Variants in AGBL1 observed in about 807,000 individuals in gnomAD.
The protein encoded by AGBL1 is AGBL carboxypeptidase 1, also known as cytosolic carboxypeptidase 4.
Under a neutral mutation model 118.9 loss-of-function variants are expected in AGBL1, and 130 were observed. The observed-to-expected ratio is 1.09, with a 90% CI of 0.95 to 1.26. The LOEUF (loss-of-function observed/expected upper bound fraction) is 1.26, where lower values mean the gene tolerates loss of function less well. Ranked by LOEUF, AGBL1 falls within the 50% of genes most tolerant of loss-of-function variation. AGBL1 has a pLI of 0.00. For missense variants in AGBL1, 1,584 were observed against 1,298.1 expected (o/e 1.22, Z -3.38); for synonymous variants, 555 against 478.9 (o/e 1.16, Z -2.08).
intron 22 of AGBL1, among the ~76,000 whole-genome samples, chr15:86,722,514 G>T (rs1424896039): frequency 5.3e-5 from 8 of 152,098 alleles, no homozygotes; most frequent in Admixed American, 5.2e-4. Context: ...ATTCAAGATG[G>T]ATTAAAGACT....
chr15:86,835,868 T>C (rs1027828445), intron 22 of AGBL1, among the ~76,000 whole-genome samples: 6 of 152,166 alleles, frequency 3.9e-5, no homozygotes, highest in Non-Finnish European at 8.8e-5. Flanking sequence ...GTATGATCCA[T>C]GTATGTACGA....
At chr15:86,750,775 T>C (rs2077838022) in intron 22 of AGBL1, among the ~76,000 whole-genome samples, 1 of 152,050 alleles carries the variant, frequency 6.6e-6, no homozygotes, top group Non-Finnish European at 1.5e-5. Context: ...TTTTTTCTCG[T>C]CCTTTGCCTC....
chr15:86,291,358 A>G (rs554400441), intron 16 of AGBL1, among the ~76,000 whole-genome samples: 1 of 136,522 alleles, frequency 7.3e-6, no homozygotes, highest in Admixed American at 7.3e-5. Flanking sequence ...CAATGGGTTT[A>G]TTTATGCACA....
intron 18 of AGBL1, among the ~76,000 whole-genome samples, chr15:86,436,576 C>G (rs2082002617): frequency 6.6e-6 from 1 of 152,216 alleles, no homozygotes; most frequent in Non-Finnish European, 1.5e-5. Flanking sequence ...GTGACAAGCA[C>G]TGTGCTAAGC....
intron 17 of AGBL1, among the ~76,000 whole-genome samples, chr15:86,396,265 A>G (rs2081362695): frequency 6.7e-6 from 1 of 148,192 alleles, no homozygotes; most frequent in Non-Finnish European, 1.5e-5. Context: ...ATATATATAC[A>G]CACACACGTC....
chr15:86,437,249 A>T (rs2082010698), intron 18 of AGBL1, among the ~76,000 whole-genome samples: 1 of 152,166 alleles, frequency 6.6e-6, no homozygotes, highest in South Asian at 2.1e-4. Flanking sequence ...TGGTGTTGTG[A>T]CCAAAACTCC....
chr15:86,179,935 A>C (rs2077530046), intron 5 of AGBL1, among the ~76,000 whole-genome samples: 1 of 152,222 alleles, frequency 6.6e-6, no homozygotes, highest in Non-Finnish European at 1.5e-5. Flanking sequence ...AAAATTTTTA[A>C]TAATATAGTT....
At chr15:86,540,292 C>A (rs1161478406) in intron 19 of AGBL1, among the ~76,000 whole-genome samples, 2 of 152,200 alleles carry the variant, frequency 1.3e-5, no homozygotes, top group African/African-American at 4.8e-5. Context: ...AATTGATAAA[C>A]AACAAGATAG....
At chr15:86,877,593 C>T (rs951404064) in intron 22 of AGBL1, among the ~76,000 whole-genome samples, 1 of 152,170 alleles carries the variant, frequency 6.6e-6, no homozygotes, top group Non-Finnish European at 1.5e-5. Flanking sequence ...GAAGGAAACA[C>T]ACTAGGCATC....
chr15:86,477,090 A>G (rs1326521190), intron 18 of AGBL1, among the ~76,000 whole-genome samples: 1 of 152,206 alleles, frequency 6.6e-6, no homozygotes, highest in Non-Finnish European at 1.5e-5. Flanking sequence ...CAGTGTGTAG[A>G]GGGAAATTTA....
chr15:86,233,226 C>A (rs1046842631), intron 6 of AGBL1, among the ~76,000 whole-genome samples: 3 of 152,184 alleles, frequency 2.0e-5, no homozygotes, highest in African/African-American at 7.2e-5. Flanking sequence ...TTCAATGCAG[C>A]CATTGATTGG....
At chr15:87,010,980 G>C (rs1017240660) in intron 24 of AGBL1, among the ~76,000 whole-genome samples, 1 of 152,188 alleles carries the variant, frequency 6.6e-6, no homozygotes, top group Non-Finnish European at 1.5e-5. Flanking sequence ...AAATGTAGCA[G>C]AGTCTGGCTA....
At chr15:86,856,993 G>C (rs1008317177) in intron 22 of AGBL1, among the ~76,000 whole-genome samples, 3 of 152,100 alleles carry the variant, frequency 2.0e-5, no homozygotes, top group African/African-American at 7.2e-5. Flanking sequence ...TCTTCCAGTG[G>C]TCCTACGTCC....
intron 18 of AGBL1, among the ~76,000 whole-genome samples, chr15:86,429,207 G>T (rs535691891): frequency 6.6e-6 from 1 of 152,276 alleles, no homozygotes; most frequent in African/African-American, 2.4e-5. Context: ...ACTCCGGATG[G>T]CAAGAAAACA....
chr15:86,210,791 T>C (rs1037265986), intron 5 of AGBL1, among the ~76,000 whole-genome samples: 1 of 152,178 alleles, frequency 6.6e-6, no homozygotes, highest in African/African-American at 2.4e-5. Flanking sequence ...AGTTTGTTAT[T>C]ACTGACCTTC....
chr15:86,774,420 T>G (rs1013371512), intron 22 of AGBL1, among the ~76,000 whole-genome samples: 1 of 152,184 alleles, frequency 6.6e-6, no homozygotes, highest in African/African-American at 2.4e-5. Context: ...TACATACTTT[T>G]GTTTTATTCA....
chr15:86,151,643 C>A (rs1820614869), intron 3 of AGBL1, among the ~76,000 whole-genome samples: 1 of 152,150 alleles, frequency 6.6e-6, no homozygotes, highest in South Asian at 2.1e-4. Context: ...TCTCACCACT[C>A]CTATTCAACA....
chr15:86,154,335 C>T (rs1567090676), intron 3 of AGBL1, 95 bp from the exon 4 acceptor site: 13 of 1,378,356 alleles, frequency 9.4e-6, no homozygotes, highest in Non-Finnish European at 1.2e-5. Context: ...TGATTATCCT[C>T]CTCCTTCACC....
chr15:86,512,134 C>T (rs1450685885), intron 18 of AGBL1, among the ~76,000 whole-genome samples: 1 of 151,936 alleles, frequency 6.6e-6, no homozygotes, highest in African/African-American at 2.4e-5. Context: ...ACACAAAACA[C>T]TATCTTGTCT....
Sources: allele counts gnomAD v4.1 joint callset (sites outside exome capture counted in the v4.1 genomes callset), GRCh38; gene constraint gnomAD v4.1.1; transcripts MANE v1.5; gene names NCBI Gene and HGNC (gene_info 2026-07-23, HGNC 2026-07-21).